Variants in CAPN13 observed in about 807,000 individuals in gnomAD.
The protein encoded by CAPN13 is calpain 13, also known as calpain-13.
CAPN13 carries 90 observed loss-of-function variants against 98.4 expected under a neutral mutation model. The ratio of observed to expected loss-of-function variants is 0.92; its 90% confidence interval spans 0.77 to 1.09. The LOEUF (loss-of-function observed/expected upper bound fraction) is 1.09, where lower values mean the gene tolerates loss of function less well. CAPN13 is among the 50% of genes least tolerant of loss of function. The pLI is 0.00. For missense variants in CAPN13, 887 were observed against 841.3 expected (o/e 1.05, Z -0.67); for synonymous variants, 330 against 305.5 (o/e 1.08, Z -0.84).
chr2:30,770,182 G>T (rs779476916), intron 5 of CAPN13, 131 bp downstream of exon 5: 5 of 1,232,778 alleles, frequency 4.1e-6, no homozygotes, highest in Non-Finnish European at 5.6e-6. Flanking sequence ...ACCTTTGCAC[G>T]TGGTGATTGT....
At chr2:30,754,012 CCA>C (rs770213739) in intron 9 of CAPN13, among the ~76,000 whole-genome samples, 149 of 152,244 alleles carry the variant, frequency 9.8e-4, no homozygotes, top group Non-Finnish European at 1.8e-3. Flanking sequence ...TTCCAGGAAA[CCA>C]CAGATTTCAA....
chr2:30,743,618 C>T, intron 12 of CAPN13, 39 bp from the exon 13 acceptor site: 1 of 1,595,204 alleles, frequency 6.3e-7, no homozygotes, highest in Non-Finnish European at 8.6e-7. Context: ...GAGAAAGCCT[C>T]CTCTGTGCAT....
chr2:30,785,471 C>A, intron 2 of CAPN13, among the ~76,000 whole-genome samples: 1 of 152,140 alleles, frequency 6.6e-6, no homozygotes, highest in East Asian at 1.9e-4. Flanking sequence ...CCCAGTCCCC[C>A]CAGTAGAGCT....
chr2:30,778,616 G>C (rs1321338564), intron 2 of CAPN13, among the ~76,000 whole-genome samples: 2 of 152,200 alleles, frequency 1.3e-5, no homozygotes, highest in Non-Finnish European at 2.9e-5. Flanking sequence ...CATGTACAGA[G>C]TCATGTGCCT....
At chr2:30,747,788 C>T (rs1309531651) in intron 11 of CAPN13, among the ~76,000 whole-genome samples, 1 of 152,206 alleles carries the variant, frequency 6.6e-6, no homozygotes, top group African/African-American at 2.4e-5. Flanking sequence ...CAACCAGTGT[C>T]ATTTGAGTTG....
intron 7 of CAPN13, among the ~76,000 whole-genome samples, chr2:30,758,811 CCCTTCCTCCCTTCCTT>C: frequency 1.1e-5 from 1 of 92,738 alleles, no homozygotes; most frequent in South Asian, 4.2e-4. Flanking sequence ...TCCCTCCCTT[CCCTTCCTCCCTTCCTT>C]CCTCCCTTCC....
Position 30,763,080 on chromosome 2 carries a change from A to G in CAPN13, c.774+2T>C. The G allele has an allele frequency of 6.2e-7, 1 of 1,606,450 alleles. No homozygotes were observed. The highest frequency in any genetic ancestry group is 8.5e-7 in the Non-Finnish European group (1 of 1,176,290). On this transcript the variant is annotated splice_donor_variant, in intron 7 of 22. Coordinates refer to ENST00000295055, the MANE Select transcript of CAPN13 (RefSeq NM_144575.3). LOFTEE classifies it high-confidence loss of function. ...GCTGGACAGGCCAGCAGCCAGCCTT[A>G]CCTGCTCAGCCCCAGTCACAGTGTA...
At chr2:30,747,622 A>G (rs1248446603) in intron 11 of CAPN13, among the ~76,000 whole-genome samples, 1 of 152,194 alleles carries the variant, frequency 6.6e-6, no homozygotes, top group Admixed American at 6.5e-5. Context: ...CAGTGCTCCC[A>G]CAGCAACTGG....
chr2:30,777,526 C>G (rs1297983727), intron 3 of CAPN13, 41 bp downstream of exon 3: 1 of 1,528,402 alleles, frequency 6.5e-7, no homozygotes, highest in Admixed American at 1.9e-5. Flanking sequence ...CCCTCCACCA[C>G]TTCCTATCCA....
At chr2:30,790,583 C>T (rs1022286298) in intron 1 of CAPN13, among the ~76,000 whole-genome samples, 2 of 152,170 alleles carry the variant, frequency 1.3e-5, no homozygotes, top group East Asian at 1.9e-4. Flanking sequence ...TTGGTGTCTA[C>T]GAAACGAGCT....
At chr2:30,770,009 G>A (rs1019134160) in intron 5 of CAPN13, among the ~76,000 whole-genome samples, 1 of 152,094 alleles carries the variant, frequency 6.6e-6, no homozygotes, top group Non-Finnish European at 1.5e-5. Flanking sequence ...TCACTCCTCC[G>A]CGCTCTCATC....
intron 4 of CAPN13, among the ~76,000 whole-genome samples, chr2:30,772,306 A>G (rs1673450528): frequency 6.6e-6 from 1 of 152,206 alleles, no homozygotes; most frequent in Non-Finnish European, 1.5e-5. Context: ...CAGGGAAACC[A>G]GAGTGTTTTA....
chr2:30,804,726 G>A (rs181900834), intron 1 of CAPN13, among the ~76,000 whole-genome samples: 168 of 152,216 alleles, frequency 1.1e-3, no homozygotes, highest in African/African-American at 3.9e-3. Flanking sequence ...TTGCATGGCC[G>A]TGGACTTCCT....
chr2:30,724,488 G>A (rs537135614), intron 22 of CAPN13, among the ~76,000 whole-genome samples: 2 of 152,296 alleles, frequency 1.3e-5, no homozygotes, highest in East Asian at 3.9e-4. Context: ...CTGGTCCTTG[G>A]ACTTCCCTGT....
rs374066064 is a variant in CAPN13 at position 30,754,653 on chromosome 2, A to T, written c.867-289T>A. Among the ~76,000 whole-genome samples, 22 of 152,282 alleles carry T rather than the reference A, an allele frequency of 1.4e-4. No homozygotes were observed. In the East Asian group the frequency reaches 1.9e-3, roughly 13 times the overall value. The stretch of plus-strand genomic sequence containing the variant: ...CTCAAATCAACCTGTCCCTGACTGT[A>T]CCCATCCTCTGCCACCTCCTATTGC... On this transcript the variant is annotated intron_variant, in intron 8 of 22. Transcript: ENST00000295055.
intron 2 of CAPN13, among the ~76,000 whole-genome samples, chr2:30,782,353 G>C (rs1025729112): frequency 2.6e-5 from 4 of 152,176 alleles, no homozygotes; most frequent in Non-Finnish European, 5.9e-5. Context: ...AGGTGTCAGC[G>C]TCACTCCCTT....
chr2:30,762,170 T>G, intron 7 of CAPN13, among the ~76,000 whole-genome samples: 1 of 152,232 alleles, frequency 6.6e-6, no homozygotes, highest in South Asian at 2.1e-4. Context: ...GTCTCTCAGA[T>G]GCTATCTATC....
At position 30,797,534 on chromosome 2, in the gene CAPN13, C is replaced by T. The variant is rs114970062; in HGVS notation, c.-33+9768G>A. On this transcript the variant is annotated intron_variant, in intron 1 of 22. Transcript: ENST00000295055. ...ATAAAACCAGCCTCGTAGCAGCAGA[C>T]GGATATTAATTGAGAAGATTCTTGT... 1.7e-3 allele frequency among the ~76,000 whole-genome samples: 264 copies of T among 152,180 alleles called. 1 individual carries two copies. The highest frequency in any genetic ancestry group is 5.9e-3 in the African/African-American group (244 of 41,514).
At chr2:30,726,019 G>A (rs1468516903) in intron 22 of CAPN13, among the ~76,000 whole-genome samples, 1 of 152,166 alleles carries the variant, frequency 6.6e-6, no homozygotes, top group Non-Finnish European at 1.5e-5. Context: ...GCTAGGATGA[G>A]AACAAAACAA....
Sources: allele counts gnomAD v4.1 joint callset (sites outside exome capture counted in the v4.1 genomes callset), GRCh38; gene constraint gnomAD v4.1.1; transcripts MANE v1.5; gene names NCBI Gene and HGNC (gene_info 2026-07-23, HGNC 2026-07-21).